Variants in SEPTIN11 observed in about 807,000 individuals in gnomAD.
SEPTIN11 encodes septin-11.
A neutral mutation model predicts 51.4 loss-of-function variants in SEPTIN11; 25 were observed. The observed-to-expected ratio is 0.49, with a 90% CI of 0.35 to 0.68. The LOEUF is 0.68. Among genes scored for constraint, SEPTIN11 ranks in the 30% least tolerant of loss-of-function variants. The pLI is 0.00. For synonymous variants in SEPTIN11, 174 were observed against 184.1 expected (o/e 0.95, Z 0.44); for missense variants, 381 against 520.8 (o/e 0.73, Z 2.61).
chr4:76,986,959 G>A (rs1023898015), intron 1 of SEPTIN11, among the ~76,000 whole-genome samples: 2 of 151,958 alleles, frequency 1.3e-5, no homozygotes, highest in African/African-American at 4.8e-5. Context: ...ACCCCCACAC[G>A]GCATTAATTT....
chr4:76,991,747 A>G (rs1723391129), intron 1 of SEPTIN11, among the ~76,000 whole-genome samples: 1 of 152,234 alleles, frequency 6.6e-6, no homozygotes, highest in Non-Finnish European at 1.5e-5. Context: ...TTTATCCTTC[A>G]TAGTCCTACA....
At chr4:77,006,790 A>G (rs1035611308) in intron 3 of SEPTIN11, among the ~76,000 whole-genome samples, 7 of 151,836 alleles carry the variant, frequency 4.6e-5, no homozygotes, top group Admixed American at 4.6e-4. Context: ...GTAAAGAGGA[A>G]CTCGACTATT....
At chr4:77,011,496 CAG>C (rs957884743) in intron 3 of SEPTIN11, among the ~76,000 whole-genome samples, 23 of 137,134 alleles carry the variant, frequency 1.7e-4, no homozygotes, top group African/African-American at 6.5e-4. Context: ...AGCAAAGACA[CAG>C]AGGAAATAAG....
At position 76,975,176 on chromosome 4, in the gene SEPTIN11, T is replaced by G. The variant is rs574161637; in HGVS notation, c.28-21249T>G. ...GAAATGTAAGCCCTTTTAAAAGGCT[T>G]ATTGAACACAGCTTGAGTTACTCTT... On this transcript the variant is annotated intron_variant, in intron 1 of 9. Coordinates refer to ENST00000264893, the MANE Select transcript of SEPTIN11 (RefSeq NM_018243.4). Among the ~76,000 whole-genome samples, 288 of 151,974 alleles carry G rather than the reference T, an allele frequency of 1.9e-3. 2 individuals are homozygous for G. Among genetic ancestry groups the G allele is most frequent in the African/African-American group, 6.4e-3 (267 of 41,482 alleles).
intron 8 of SEPTIN11, 109 bp from the exon 9 acceptor site, chr4:77,030,674 C>T (rs1302754709): frequency 6.1e-6 from 6 of 982,570 alleles, no homozygotes; most frequent in African/African-American, 5.0e-5. Flanking sequence ...AAATTACAGG[C>T]GTGAGCCACC....
intron 1 of SEPTIN11, among the ~76,000 whole-genome samples, chr4:76,982,465 C>T (rs1001023236): frequency 6.6e-6 from 1 of 152,204 alleles, no homozygotes; most frequent in Non-Finnish European, 1.5e-5. Context: ...CTGCCTCAGC[C>T]TCCCAAAGTG....
chr4:76,951,978 C>G (rs1337649066), intron 1 of SEPTIN11, among the ~76,000 whole-genome samples: 4 of 152,168 alleles, frequency 2.6e-5, no homozygotes, highest in South Asian at 2.1e-4. Flanking sequence ...AATTAAATTA[C>G]AATCTAAAGA....
At chr4:76,992,395 T>C (rs1443941697) in intron 1 of SEPTIN11, among the ~76,000 whole-genome samples, 1 of 152,216 alleles carries the variant, frequency 6.6e-6, no homozygotes, top group Non-Finnish European at 1.5e-5. Context: ...ATTCAGTTCA[T>C]GAGATAAATT....
At position 77,036,227 on chromosome 4, in the gene SEPTIN11, T is replaced by C. The variant is rs1727015175; in HGVS notation, c.*1715T>C. On this transcript the variant is annotated 3_prime_UTR_variant, in exon 10 of 10. Transcript: ENST00000264893. ...TACACACTAGACACAGCAGTAGTCA[T>C]AGTCTTCACAGGTTTAGGAGCTACT... 1.0e-6 allele frequency: 1 copy of C among 1,003,066 alleles called. No homozygotes were observed. The highest frequency in any genetic ancestry group is 1.2e-6 in the Non-Finnish European group (1 of 840,842). 62.1% of individuals were successfully genotyped at this position (1,003,066 alleles called of 1,614,324 possible).
chr4:77,015,023 T>A lies in SEPTIN11; in HGVS notation c.687+6T>A. On this transcript the variant is annotated splice_donor_region_variant and intron_variant, in intron 5 of 9. Coordinates refer to ENST00000264893, the MANE Select transcript of SEPTIN11 (RefSeq NM_018243.4). ...AGATTAACGCAACAATGAGTGTAAG[T>A]CCTCAAGTCAAATGGGAACAAGTGA... 1 of 1,611,692 alleles carries A rather than the reference T, an allele frequency of 6.2e-7. No homozygotes were observed. Among genetic ancestry groups the A allele is most frequent in the East Asian group, 2.2e-5 (1 of 44,834 alleles).
At chr4:76,996,305 A>G (rs7685131) in intron 1 of SEPTIN11, 120 bp from the exon 2 acceptor site, 415,612 of 743,748 alleles carry the variant, frequency 0.56, 118,751 homozygotes, top group Middle Eastern at 0.63. Flanking sequence ...GCAGCTGTGG[A>G]GGGTCTCCTT....
At chr4:76,956,962 A>AT (rs1553966569) in intron 1 of SEPTIN11, among the ~76,000 whole-genome samples, 1 of 119,118 alleles carries the variant, frequency 8.4e-6, no homozygotes, top group African/African-American at 3.3e-5. Flanking sequence ...TAGTAGAATG[A>AT]TGTGTGTGTG....
chr4:77,028,596 T>C, intron 7 of SEPTIN11, 33 bp from the exon 8 acceptor site: 2 of 1,551,352 alleles, frequency 1.3e-6, no homozygotes, highest in South Asian at 1.3e-5. Context: ...TACAATTTCA[T>C]GATGCTGTCC....
chr4:76,996,573 G>A (rs747082276), intron 2 of SEPTIN11, 34 bp downstream of exon 2: 2 of 1,414,168 alleles, frequency 1.4e-6, no homozygotes, highest in Non-Finnish European at 2.0e-6. Context: ...CAAGAAATTT[G>A]ATCCTTAGAT....
intron 1 of SEPTIN11, among the ~76,000 whole-genome samples, chr4:76,987,503 A>T (rs1284431487): frequency 6.6e-6 from 1 of 152,208 alleles, no homozygotes; most frequent in Non-Finnish European, 1.5e-5. Context: ...CTGGCTTCAT[A>T]GCTGTGGTTT....
chr4:77,017,430 G>C (rs1353525782), intron 5 of SEPTIN11, among the ~76,000 whole-genome samples: 2 of 152,162 alleles, frequency 1.3e-5, no homozygotes, highest in East Asian at 3.8e-4. Context: ...CATTTGAGTG[G>C]AGAAATTTCC....
Position 77,005,719 on chromosome 4 carries a change from T to G in SEPTIN11, c.261T>G (p.Leu87=). Residue 87 remains leucine, a synonymous_variant, in exon 3 of 10, where the codon CTT becomes CTG. Coordinates refer to ENST00000264893, the MANE Select transcript of SEPTIN11 (RefSeq NM_018243.4). ...GGTTAAAAGCCAGAAGTTATGAGCT[T>G]CAGGAAAGCAATGTACGGCTGAAGT... is the stretch of plus-strand genomic sequence containing the variant. ...GVRLKARSYE[L]QESNVRLKLT... is the part of the protein sequence containing the mutation. 6.2e-7 allele frequency: 1 copy of G among 1,614,022 alleles called. No homozygotes were observed. Among genetic ancestry groups the G allele is most frequent in the Non-Finnish European group, 8.5e-7 (1 of 1,179,956 alleles).
At chr4:76,980,750 A>G (rs1161682730) in intron 1 of SEPTIN11, among the ~76,000 whole-genome samples, 1 of 152,120 alleles carries the variant, frequency 6.6e-6, no homozygotes, top group Non-Finnish European at 1.5e-5. Context: ...TAATTATTCA[A>G]ATGGACCATT....
rs1725115600 is a variant in SEPTIN11 at position 77,014,959 on chromosome 4, A to C, written c.629A>C (p.Gln210Pro). The C allele has an allele frequency of 1.2e-6, 2 of 1,614,156 alleles. No homozygotes were observed. Among genetic ancestry groups the C allele is most frequent in the Non-Finnish European group, 1.7e-6 (2 of 1,179,992 alleles). ...IMSELVSNGV[Q>P]IYQFPTDEET... ...AGTGAACTGGTCAGCAATGGGGTCC[A>C]GATATATCAGTTTCCCACTGATGAA... The change falls in exon 5 of 10, where the codon CAG becomes CCG. Residue 210 changes from glutamine (Q) to proline (P), a missense_variant. Physicochemically the swap from Gln to Pro is moderately conservative, Grantham distance 76. Around this residue, in one of 2 missense-constraint regions of SEPTIN11, gnomAD observed 197 missense variants for 313.1 expected, o/e 0.63. Transcript: ENST00000264893.
Sources: gnomAD v4.1 joint callset for allele counts (sites outside exome capture counted in the v4.1 genomes callset) on GRCh38, gnomAD v4.1.1 for gene constraint, gnomAD v4.1.1 regional missense constraint, MANE v1.5 for transcripts, NCBI Gene and HGNC (gene_info 2026-07-23, HGNC 2026-07-21) for gene names.